RHOBTB1: variants seen among roughly 807,000 people sequenced by gnomAD.
RHOBTB1 encodes the protein Rho related BTB domain containing 1.
A neutral mutation model predicts 71.6 loss-of-function variants in RHOBTB1; 40 were observed. The observed-to-expected ratio is 0.56, with a 90% CI of 0.43 to 0.73. The LOEUF (loss-of-function observed/expected upper bound fraction) is 0.73. Ranked by LOEUF, RHOBTB1 falls within the 30% of genes least tolerant of loss-of-function variation. The pLI is 0.00. For synonymous variants in RHOBTB1, 319 were observed against 334.9 expected (o/e 0.95, Z 0.52); for missense variants, 797 against 894.0 (o/e 0.89, Z 1.38).
At chr10:60,977,107 G>C (rs1224042063) in intron 2 of RHOBTB1, among the ~76,000 whole-genome samples, 4 of 151,950 alleles carry the variant, frequency 2.6e-5, no homozygotes, top group African/African-American at 9.7e-5. Flanking sequence ...AACAAATTCT[G>C]ACTTAGAATA....
intron 2 of RHOBTB1, among the ~76,000 whole-genome samples, chr10:60,966,875 C>T (rs1589432048): frequency 2.7e-5 from 4 of 145,716 alleles, no homozygotes; most frequent in African/African-American, 1.0e-4. Context: ...GTGTGATGTT[C>T]CCCTTCCTGT....
At chr10:60,998,628 G>T (rs73268034) in intron 1 of RHOBTB1, among the ~76,000 whole-genome samples, 1 of 152,120 alleles carries the variant, frequency 6.6e-6, no homozygotes, top group Non-Finnish European at 1.5e-5. Flanking sequence ...AAGGAAGGGG[G>T]TGGAAAAAGG....
intron 2 of RHOBTB1, among the ~76,000 whole-genome samples, chr10:60,984,406 GT>G (rs1458045619): frequency 6.6e-6 from 1 of 152,146 alleles, no homozygotes; most frequent in Non-Finnish European, 1.5e-5. Flanking sequence ...TATTCTGAAT[GT>G]TCCTTTAAAA....
chr10:60,928,722 G>A (rs1168985831), intron 2 of RHOBTB1, among the ~76,000 whole-genome samples: 2 of 151,958 alleles, frequency 1.3e-5, no homozygotes, highest in Non-Finnish European at 2.9e-5. Context: ...GCACAATGGG[G>A]CAACTATAGT....
intron 4 of RHOBTB1, among the ~76,000 whole-genome samples, chr10:60,901,732 T>C (rs1477678365): frequency 2.0e-5 from 3 of 152,254 alleles, no homozygotes; most frequent in African/African-American, 7.2e-5. Context: ...TTAGTTGTAT[T>C]TGACCAACTT....
intron 2 of RHOBTB1, among the ~76,000 whole-genome samples, chr10:60,914,009 A>G (rs2083135674): frequency 6.6e-6 from 1 of 152,196 alleles, no homozygotes; most frequent in Non-Finnish European, 1.5e-5. Context: ...TCAGATGACA[A>G]CAAAATTGAG....
Position 60,930,144 on chromosome 10 carries a change from T to A in RHOBTB1, c.-11+11660A>T, listed in dbSNP as rs945286790. Among the ~76,000 whole-genome samples the A allele has an allele frequency of 6.6e-5, 10 of 152,304 alleles. No individual in the cohort carries two copies. The South Asian group carries it at 2.1e-3, about 32-fold the overall frequency. On this transcript the variant is annotated intron_variant, in intron 2 of 10. Coordinates refer to ENST00000337910, the MANE Select transcript of RHOBTB1 (RefSeq NM_014836.5). Reference sequence around the variant, plus strand: ...TAACAATTTTATAAATGGGAAATGTTTTAAAAGCAAATATATTTACCACAT... The same window carrying A: ...TAACAATTTTATAAATGGGAAATGTATTAAAAGCAAATATATTTACCACAT...
At chr10:60,882,111 T>A (rs902124733) in intron 7 of RHOBTB1, among the ~76,000 whole-genome samples, 3 of 152,106 alleles carry the variant, frequency 2.0e-5, no homozygotes, top group Non-Finnish European at 4.4e-5. Context: ...GACCTTTATT[T>A]ATAGCACTTT....
At position 60,927,244 on chromosome 10, in the gene RHOBTB1, G is replaced by A. The variant is rs560058723; in HGVS notation, c.-11+14560C>T. Among the ~76,000 whole-genome samples the A allele has an allele frequency of 3.9e-4, 60 of 152,192 alleles. No individual in the cohort carries two copies. In the South Asian group the frequency reaches 0.012, roughly 29 times the overall value. ...GAAAGATACTCCATGTTCATAGATGGGAAGATCGATATTGTTACAATGCCC... is the reference window on the plus strand; with the variant it reads ...GAAAGATACTCCATGTTCATAGATGAGAAGATCGATATTGTTACAATGCCC... On this transcript the variant is annotated intron_variant, in intron 2 of 10. Coordinates refer to ENST00000337910, the MANE Select transcript of RHOBTB1 (RefSeq NM_014836.5).
chr10:60,877,934 C>T lies in RHOBTB1; in HGVS notation c.1700G>A (p.Cys567Tyr). Residue 567 changes from cysteine (C) to tyrosine (Y), a missense_variant, in exon 8 of 11, where the codon TGC (cysteine) becomes TAC (tyrosine). Transcript: ENST00000337910. The stretch of plus-strand genomic sequence containing the variant: ...TGCAAGTGCAACCAAGTGTGGCAGG[C>T]AAAATCTGTTTGCCAAGGCAATTAA... ...LELIALANRFCLPHLVALAEQ... is the reference protein window; with the variant it reads ...LELIALANRFYLPHLVALAEQ... 6.2e-7 allele frequency: 1 copy of T among 1,613,932 alleles called. No individual in the cohort carries two copies. The highest frequency in any genetic ancestry group is 8.5e-7 in the Non-Finnish European group (1 of 1,179,904).
chr10:60,994,628 GA>G (rs575608942), intron 1 of RHOBTB1, among the ~76,000 whole-genome samples: 1 of 151,254 alleles, frequency 6.6e-6, no homozygotes, highest in Non-Finnish European at 1.5e-5. Flanking sequence ...ATATCCTCAG[GA>G]AAAAAAATGC....
chr10:60,995,065 A>G (rs1290719707), intron 1 of RHOBTB1, among the ~76,000 whole-genome samples: 2 of 152,048 alleles, frequency 1.3e-5, no homozygotes, highest in Non-Finnish European at 2.9e-5. Context: ...ACATCAATAC[A>G]TTAAGGTGTG....
chr10:60,962,573 A>G lies in RHOBTB1; in HGVS notation c.-61-20719T>C, dbSNP rs536171827. ...CATACTTCAGGAAGAAGCAAATTAT[A>G]TAGTATTTTTTTCTGTATAAAATAA... On this transcript the variant is annotated intron_variant, in intron 2 of 11. Coordinates refer to the RHOBTB1 transcript ENST00000357917. Among the ~76,000 whole-genome samples, 17 of 152,280 alleles carry G rather than the reference A, an allele frequency of 1.1e-4. No individual in the cohort carries two copies. The East Asian group carries it at 2.9e-3, about 26-fold the overall frequency.
At chr10:60,973,968 C>A (rs778393675) in intron 2 of RHOBTB1, among the ~76,000 whole-genome samples, 28 of 151,960 alleles carry the variant, frequency 1.8e-4, no homozygotes, top group Non-Finnish European at 3.8e-4. Context: ...GGAAGAATGA[C>A]CTTATTAAAC....
At chr10:60,952,567 G>A (rs1197974572) in intron 2 of RHOBTB1, among the ~76,000 whole-genome samples, 2 of 152,306 alleles carry the variant, frequency 1.3e-5, no homozygotes, top group South Asian at 4.1e-4. Flanking sequence ...CAAATACTTA[G>A]AAAGTATTAT....
intron 2 of RHOBTB1, among the ~76,000 whole-genome samples, chr10:60,954,644 T>C (rs1047297743): frequency 1.3e-5 from 2 of 152,138 alleles, no homozygotes; most frequent in Middle Eastern, 3.2e-3. Context: ...TCTTATTTGA[T>C]AAATCTGGAA....
rs1483098684 is a variant in RHOBTB1, at chr10:60,925,664, C to G, written c.-10-14112G>C. ...GACAAGATAAGTAAAATGGACAAATCTTTAGCCAGACTAAGAAAAAAAAGA... is the reference window on the plus strand; with the variant it reads ...GACAAGATAAGTAAAATGGACAAATGTTTAGCCAGACTAAGAAAAAAAAGA... On this transcript the variant is annotated intron_variant, in intron 2 of 10. Coordinates refer to ENST00000337910, the MANE Select transcript of RHOBTB1 (RefSeq NM_014836.5). Among the ~76,000 whole-genome samples, 16 of 151,884 alleles carry G rather than the reference C, an allele frequency of 1.1e-4. No individual in the cohort carries two copies. In the East Asian group the frequency reaches 3.1e-3, roughly 29 times the overall value.
chr10:60,948,070 G>A (rs1021070481), upstream of RHOBTB1, among the ~76,000 whole-genome samples: 3 of 152,148 alleles, frequency 2.0e-5, no homozygotes, highest in Non-Finnish European at 2.9e-5. Flanking sequence ...GAATAATAAT[G>A]TTGAATATAT....
chr10:60,886,169 G>A lies in RHOBTB1; in HGVS notation c.1518C>T (p.Ser506=), dbSNP rs547856659. Residue 506 remains serine (S), a synonymous_variant, in exon 7 of 11, where the codon AGC becomes AGT. Transcript: ENST00000337910. ...CGAACATGGCTGCCATCCACTCACA[G>A]CTACAGATCAGCAGCGGCTTGTGGG... The part of the protein sequence containing the change: ...ISAHKPLLIC[S]CEWMAAMFGG... The A allele has an allele frequency of 1.9e-6, 3 of 1,614,058 alleles. No homozygotes were observed. The highest frequency in any genetic ancestry group is 2.2e-5 in the South Asian group (2 of 91,076).
Sources: gnomAD v4.1 joint callset for allele counts (sites outside exome capture counted in the v4.1 genomes callset) on GRCh38, gnomAD v4.1.1 for gene constraint, MANE v1.5 for transcripts, NCBI Gene and HGNC (gene_info 2026-07-23, HGNC 2026-07-21) for gene names.